SUSD4: variants seen among roughly 807,000 people sequenced by gnomAD.
SUSD4 encodes sushi domain-containing protein 4.
Under a neutral mutation model 50.5 loss-of-function variants are expected in SUSD4, and 41 were observed. That is an observed-to-expected ratio of 0.81 (90% CI 0.63 to 1.05). The LOEUF (loss-of-function observed/expected upper bound fraction) is 1.05. Ranked by LOEUF, SUSD4 falls within the 50% of genes least tolerant of loss-of-function variation. The probability of loss-of-function intolerance (pLI) is 0.00; values close to 1 mark genes in which losing one functional copy is unlikely to be tolerated. For synonymous variants in SUSD4, 257 were observed against 257.3 expected, an observed-to-expected ratio of 1.00 and a Z score of 0.01; for missense variants, 580 against 634.7, an observed-to-expected ratio of 0.91 and a Z score of 0.93.
chr1:223,285,287 G>A (rs1664061833), intron 3 of SUSD4, among the ~76,000 whole-genome samples: 1 of 152,182 alleles, frequency 6.6e-6, no homozygotes, highest in African/African-American at 2.4e-5. Flanking sequence ...AACACCAAGG[G>A]AGGCTTTGCC....
Position 223,264,677 on chromosome 1 carries a change from T to C in SUSD4, c.677A>G (p.Gln226Arg). The C allele has an allele frequency of 1.2e-6, 2 of 1,614,228 alleles. No homozygotes were observed. The highest frequency in any genetic ancestry group is 1.7e-5 in the Admixed American group (1 of 60,022). ...TGGGCTGGACGACCAGATAAGGTTT[T>C]GTAAGCACTCAAGATACGCAGACCC... ...LDGSAYLECL[Q>R]NLIWSSSPPR... is the part of the protein sequence containing the mutation. The change falls in exon 5 of 9, where the codon CAA (glutamine) becomes CGA (arginine). Residue 226 changes from glutamine (Q) to arginine (R), a missense_variant. Coordinates refer to ENST00000366878, the MANE Select transcript of SUSD4 (RefSeq NM_017982.4).
chr1:223,276,602 C>T (rs1179613654), intron 3 of SUSD4, among the ~76,000 whole-genome samples: 1 of 152,184 alleles, frequency 6.6e-6, no homozygotes, highest in Admixed American at 6.5e-5. Flanking sequence ...TCAAGTCTGG[C>T]CACATTTAAG....
At chr1:223,226,478 G>A (rs1196433924) in intron 7 of SUSD4, among the ~76,000 whole-genome samples, 2 of 152,258 alleles carry the variant, frequency 1.3e-5, no homozygotes, top group Admixed American at 1.3e-4. Context: ...CTAAGTGAGG[G>A]AGGCCGCCCT....
chr1:223,306,970 G>A (rs1665573603), intron 2 of SUSD4, among the ~76,000 whole-genome samples: 1 of 150,934 alleles, frequency 6.6e-6, no homozygotes. Flanking sequence ...TTTGGGGGGG[G>A]GTGTCCCTTC....
chr1:223,309,535 G>C lies in SUSD4; in HGVS notation c.149-16884C>G, dbSNP rs572539442. ...GGGAGGGGCTACCGTGAGTAGGACT[G>C]AGTTCCTAAGGGGCAACCTGAGCCC... On this transcript the variant is annotated intron_variant, in intron 2 of 8. Transcript: ENST00000366878. Among the ~76,000 whole-genome samples, 5 of 152,268 alleles carry C rather than the reference G, an allele frequency of 3.3e-5. No homozygotes were observed. The South Asian group carries it at 1.0e-3, about 32-fold the overall frequency.
intron 3 of SUSD4, among the ~76,000 whole-genome samples, chr1:223,290,722 C>A (rs1280307254): frequency 6.7e-6 from 1 of 150,074 alleles, no homozygotes; most frequent in Non-Finnish European, 1.5e-5. Context: ...CAGACCAGTA[C>A]AATAGAAGCC....
intron 5 of SUSD4, among the ~76,000 whole-genome samples, chr1:223,251,127 A>G (rs184167846): frequency 1.1e-3 from 163 of 152,274 alleles, no homozygotes; most frequent in Middle Eastern, 3.4e-3. Flanking sequence ...TATGACTGTT[A>G]TGTTAGTCTG....
At position 223,221,899 on chromosome 1, in the gene SUSD4, C is replaced by T. The variant is rs533182465; in HGVS notation, c.*293G>A. 521 of 346,530 alleles carry T rather than the reference C, an allele frequency of 1.5e-3. 5 individuals carry two copies. The highest frequency in any genetic ancestry group is 0.011 in the African/African-American group (502 of 47,494). 21.5% of individuals were successfully genotyped at this position (346,530 alleles called of 1,614,324 possible). A position where few individuals can be genotyped will look rare whatever the true frequency, so the allele number is the denominator to read the frequency against. On this transcript the variant is annotated 3_prime_UTR_variant, in exon 9 of 9. Transcript: ENST00000366878. The stretch of plus-strand genomic sequence containing the variant: ...CGGTGGGATGTGCGTGGAATTGTCC[C>T]ATGTTCCACAGCACGATACACATTT...
intron 2 of SUSD4, among the ~76,000 whole-genome samples, chr1:223,313,513 T>A (rs1016011791): frequency 1.3e-5 from 2 of 152,244 alleles, no homozygotes; most frequent in East Asian, 3.9e-4. Context: ...GTTCTGTGAG[T>A]TGTTCTAGTA....
At position 223,222,082 on chromosome 1, in the gene SUSD4, T is replaced by C; in HGVS notation, c.*110A>G. On this transcript the variant is annotated 3_prime_UTR_variant, in exon 9 of 9. Coordinates refer to ENST00000366878, the MANE Select transcript of SUSD4 (RefSeq NM_017982.4). ...CATAATGTGAACTGTGGTCCCCATG[T>C]AGACAAGTTAGACATTTTGCCCCCA... is the stretch of plus-strand genomic sequence containing the variant. The C allele has an allele frequency of 4.6e-6, 5 of 1,080,814 alleles. No individual in the cohort carries two copies. Among genetic ancestry groups the C allele is most frequent in the Non-Finnish European group, 6.8e-6 (5 of 736,448 alleles). The allele number at this position is 1,080,814 out of a possible 1,614,324, so 67.0% of individuals were successfully genotyped here. A position where few individuals can be genotyped will look rare whatever the true frequency, so the allele number is the denominator to read the frequency against.
At chr1:223,312,956 C>A (rs1202876956) in intron 2 of SUSD4, among the ~76,000 whole-genome samples, 2 of 152,166 alleles carry the variant, frequency 1.3e-5, no homozygotes, top group Middle Eastern at 6.3e-3. Context: ...GGGAAATAGG[C>A]AAGGGGCAAA....
intron 5 of SUSD4, among the ~76,000 whole-genome samples, chr1:223,237,435 C>T (rs926251637): frequency 1.5e-4 from 23 of 151,976 alleles, no homozygotes; most frequent in African/African-American, 4.3e-4. Context: ...CCTGATCTTA[C>T]GGGAAAACTT....
rs762315284 is a variant in SUSD4, at chr1:223,223,295, C to T, written c.1398G>A (p.Thr466=). 1.6e-5 allele frequency: 25 copies of T among 1,581,112 alleles called. No homozygotes were observed. The highest frequency in any genetic ancestry group is 3.5e-5 in the South Asian group (3 of 84,534). The change falls in exon 8 of 9, where the codon ACG becomes ACA. Residue 466 remains threonine, a synonymous_variant. Coordinates refer to ENST00000366878, the MANE Select transcript of SUSD4 (RefSeq NM_017982.4). ...GGCTGGTGGATGCCACCTCCTCTGC[C>T]GTGCTGGCAATTATGTCAGGGTTGT... is the stretch of plus-strand genomic sequence containing the variant. ...ASDNPDIIAS[T]AEEVASTSPG...
At chr1:223,280,694 C>A (rs1049618980) in intron 3 of SUSD4, among the ~76,000 whole-genome samples, 1 of 152,046 alleles carries the variant, frequency 6.6e-6, no homozygotes, top group African/African-American at 2.4e-5. Context: ...AGAAAGTTTA[C>A]AAGGATATCC....
intron 2 of SUSD4, among the ~76,000 whole-genome samples, chr1:223,347,629 C>A (rs1471675429): frequency 7.2e-6 from 1 of 137,954 alleles, no homozygotes; most frequent in African/African-American, 2.8e-5. Context: ...TTAATTATTT[C>A]ATGCACGCAT....
chr1:223,333,536 AC>A (rs1319730952), intron 2 of SUSD4, among the ~76,000 whole-genome samples: 1 of 152,170 alleles, frequency 6.6e-6, no homozygotes, highest in Non-Finnish European at 1.5e-5. Flanking sequence ...AATGGCATAT[AC>A]CCCCAACAAC....
chr1:223,230,771 G>A (rs984421326), intron 5 of SUSD4: 1 of 152,158 alleles, frequency 6.6e-6, no homozygotes, highest in African/African-American at 2.4e-5. Flanking sequence ...CTCTAGACAG[G>A]CCTAGGTCTG....
intron 2 of SUSD4, among the ~76,000 whole-genome samples, chr1:223,330,918 G>C (rs552194487): frequency 5.6e-4 from 85 of 152,310 alleles, no homozygotes; most frequent in Non-Finnish European, 1.1e-3. Flanking sequence ...GGATGGCAGA[G>C]AGAAGGGAAC....
Position 223,363,346 on chromosome 1 carries a change from T to A in SUSD4, c.80A>T (p.Gln27Leu). The A allele has an allele frequency of 6.2e-7, 1 of 1,609,186 alleles. No homozygotes were observed. The highest frequency in any genetic ancestry group is 2.2e-5 in the East Asian group (1 of 44,716). The change falls in exon 2 of 9, where the codon CAG (glutamine) becomes CTG (leucine). Residue 27 changes from glutamine (Q) to leucine (L), a missense_variant. Gln to Leu is a moderately radical substitution (Grantham distance 113). Coordinates refer to ENST00000366878, the MANE Select transcript of SUSD4 (RefSeq NM_017982.4). The part of the protein sequence containing the change: ...QQQQQQPQSP[Q>L]RLLAVILWFQ... ...CCACAGGATCACGGCCAAGAGTCTC[T>A]GGGGGGACTGAGGTTGCTGCTGCTG...
Sources: allele counts gnomAD v4.1 joint callset (sites outside exome capture counted in the v4.1 genomes callset), GRCh38; gene constraint gnomAD v4.1.1; transcripts MANE v1.5; gene names NCBI Gene and HGNC (gene_info 2026-07-23, HGNC 2026-07-21).